The following ROBO2 variants were observed in gnomAD, a reference collection of about 807,000 sequenced individuals.
ROBO2 encodes roundabout homolog 2.
ROBO2 carries 53 observed loss-of-function variants against 160.8 expected under a neutral mutation model. The ratio of observed to expected loss-of-function variants is 0.33; its 90% confidence interval spans 0.26 to 0.41. The LOEUF (loss-of-function observed/expected upper bound fraction) is 0.41, where lower values mean the gene tolerates loss of function less well. ROBO2 is among the 10% of genes least tolerant of loss of function. The probability of loss-of-function intolerance (pLI) is 1.00; values close to 1 mark genes in which losing one functional copy is unlikely to be tolerated. For missense variants in ROBO2, 1,577 were observed against 1,722.4 expected (o/e 0.92, Z 1.49); for synonymous variants, 664 against 611.7 (o/e 1.09, Z -1.26).
intron 2 of ROBO2, among the ~76,000 whole-genome samples, chr3:76,492,168 A>G (rs1264787208): frequency 6.6e-6 from 1 of 152,130 alleles, no homozygotes; most frequent in Non-Finnish European, 1.5e-5. Context: ...GTTGTTAGCT[A>G]TTATTAGCAC....
chr3:77,062,575 T>C (rs1344305952), intron 1 of ROBO2, among the ~76,000 whole-genome samples: 1 of 152,176 alleles, frequency 6.6e-6, no homozygotes, highest in Non-Finnish European at 1.5e-5. Context: ...GAGGTCATGA[T>C]TGTGTGGTAG....
At chr3:76,826,393 T>G (rs1170606234) in intron 2 of ROBO2, among the ~76,000 whole-genome samples, 1 of 152,138 alleles carries the variant, frequency 6.6e-6, no homozygotes, top group Non-Finnish European at 1.5e-5. Flanking sequence ...GTAGTAGTCA[T>G]ATCATCTCAG....
intron 2 of ROBO2, among the ~76,000 whole-genome samples, chr3:76,293,536 TAAAAA>T (rs1186763515): frequency 6.6e-6 from 1 of 151,892 alleles, no homozygotes; most frequent in African/African-American, 2.4e-5. Context: ...AAAAAAGTAA[TAAAAA>T]TAAGAATGAG....
At chr3:77,475,716 A>G (rs2153583656) in intron 2 of ROBO2, among the ~76,000 whole-genome samples, 1 of 152,318 alleles carries the variant, frequency 6.6e-6, no homozygotes, top group South Asian at 2.1e-4. Flanking sequence ...TTTAGAATAT[A>G]AATGAGTCAC....
At chr3:77,206,422 C>A (rs527883546) in intron 2 of ROBO2, among the ~76,000 whole-genome samples, 1 of 152,036 alleles carries the variant, frequency 6.6e-6, no homozygotes, top group South Asian at 2.1e-4. Flanking sequence ...CCTGCTGTGG[C>A]CTCCTATAGT....
intron 2 of ROBO2, among the ~76,000 whole-genome samples, chr3:76,803,272 TG>T (rs2108879681): frequency 6.6e-6 from 1 of 152,288 alleles, no homozygotes; most frequent in South Asian, 2.1e-4. Context: ...ACATACTTTC[TG>T]GAGCAAAGGA....
intron 2 of ROBO2, among the ~76,000 whole-genome samples, chr3:76,728,812 G>C (rs1459521975): frequency 6.6e-6 from 1 of 152,204 alleles, no homozygotes; most frequent in Non-Finnish European, 1.5e-5. Context: ...TGCTAAAAAT[G>C]TGCCAGAGGG....
chr3:76,593,962 T>C (rs1476421648), intron 2 of ROBO2, among the ~76,000 whole-genome samples: 1 of 151,972 alleles, frequency 6.6e-6, no homozygotes. Context: ...TAGAAAAGCA[T>C]GGAAAGAGCT....
At chr3:76,821,961 C>T (rs1001690741) in intron 2 of ROBO2, among the ~76,000 whole-genome samples, 1 of 151,996 alleles carries the variant, frequency 6.6e-6, no homozygotes, top group Non-Finnish European at 1.5e-5. Flanking sequence ...GAGACCAATA[C>T]TTGTTTAATT....
chr3:76,549,130 A>C (rs2083275453), intron 2 of ROBO2, among the ~76,000 whole-genome samples: 1 of 152,180 alleles, frequency 6.6e-6, no homozygotes, highest in Non-Finnish European at 1.5e-5. Flanking sequence ...AATATTTTTT[A>C]CTGGGAATTT....
chr3:77,219,492 T>C (rs2085484034), intron 2 of ROBO2, among the ~76,000 whole-genome samples: 1 of 120,784 alleles, frequency 8.3e-6, no homozygotes, highest in Non-Finnish European at 1.6e-5. Context: ...ATAATCTGTA[T>C]ATATATATAT....
chr3:76,036,442 G>T (rs373440160), intron 2 of ROBO2, among the ~76,000 whole-genome samples: 12 of 151,634 alleles, frequency 7.9e-5, no homozygotes, highest in East Asian at 7.8e-4. Context: ...GAGCCAATGC[G>T]CCAGGCTGGT....
chr3:77,073,112 C>T (rs913843344), intron 1 of ROBO2, among the ~76,000 whole-genome samples: 1 of 152,132 alleles, frequency 6.6e-6, no homozygotes, highest in Non-Finnish European at 1.5e-5. Flanking sequence ...AACAATTGCC[C>T]TTTAAAAATT....
intron 2 of ROBO2, among the ~76,000 whole-genome samples, chr3:76,830,150 C>T (rs2066952286): frequency 6.6e-6 from 1 of 152,158 alleles, no homozygotes; most frequent in Admixed American, 6.6e-5. Flanking sequence ...GTTTCCAGAA[C>T]AGCTACAACT....
chr3:77,051,191 T>C (rs527670832), intron 1 of ROBO2, among the ~76,000 whole-genome samples: 1 of 152,274 alleles, frequency 6.6e-6, no homozygotes, highest in East Asian at 1.9e-4. Flanking sequence ...AAGTATGTTT[T>C]TAAGTGTTTC....
chr3:76,002,487 C>T (rs2065914507), intron 2 of ROBO2, among the ~76,000 whole-genome samples: 1 of 152,018 alleles, frequency 6.6e-6, no homozygotes, highest in Admixed American at 6.6e-5. Context: ...GCAGTTTCCC[C>T]ATACTGTTCT....
intron 2 of ROBO2, among the ~76,000 whole-genome samples, chr3:76,093,457 A>T (rs1379557714): frequency 7.0e-6 from 1 of 143,782 alleles, no homozygotes; most frequent in Non-Finnish European, 1.5e-5. Flanking sequence ...GCTTGAAAAA[A>T]ATACAGTTTA....
chr3:76,737,835 C>T (rs2093738263), intron 2 of ROBO2, among the ~76,000 whole-genome samples: 1 of 123,364 alleles, frequency 8.1e-6, no homozygotes, highest in Non-Finnish European at 1.7e-5. Context: ...AGCAATAATC[C>T]TGTGAGAACA....
rs546636379 is a variant in ROBO2 at position 76,317,584 on chromosome 3, G to A, written c.109+379982G>A. On this transcript the variant is annotated intron_variant, in intron 2 of 26. Coordinates refer to the ROBO2 transcript ENST00000487694. ...TCTTTGTACTGTGTATAATCATTAC[G>A]TCTGAGTTTCATTTGTTTAAATAAT... 7.2e-5 allele frequency among the ~76,000 whole-genome samples: 11 copies of A among 152,132 alleles called. No homozygotes were observed. In the South Asian group the frequency reaches 1.0e-3, roughly 14 times the overall value.
Sources: gnomAD v4.1 joint callset for allele counts (sites outside exome capture counted in the v4.1 genomes callset) on GRCh38, gnomAD v4.1.1 for gene constraint, MANE v1.5 for transcripts, NCBI Gene and HGNC (gene_info 2026-07-23, HGNC 2026-07-21) for gene names.